PRELID2: variants seen among roughly 807,000 people sequenced by gnomAD.
PRELID2 encodes the protein PRELI domain-containing protein 2.
PRELID2 carries 25 observed loss-of-function variants against 28.4 expected under a neutral mutation model. The ratio of observed to expected loss-of-function variants is 0.88; its 90% CI spans 0.64 to 1.23. The LOEUF (loss-of-function observed/expected upper bound fraction) is 1.23. Ranked by LOEUF, PRELID2 falls within the 50% of genes most tolerant of loss-of-function variation. The pLI, the probability that PRELID2 is intolerant of heterozygous loss-of-function variation, is 0.00. For missense variants in PRELID2, 201 were observed against 214.4 expected (o/e 0.94, Z 0.39); for synonymous variants, 76 against 71.6 (o/e 1.06, Z -0.31).
At chr5:145,444,769 G>A in the PRELID2 span, among the ~76,000 whole-genome samples, 749 of 151,982 alleles carry the variant, frequency 4.9e-3, 2 homozygotes, top group Non-Finnish European at 8.0e-3. Flanking sequence ...GTGCCCGTTC[G>A]TCCACTTATT....
chr5:145,802,157 T>A (rs1274355512), intron 4 of PRELID2, among the ~76,000 whole-genome samples: 1 of 152,208 alleles, frequency 6.6e-6, no homozygotes, highest in Non-Finnish European at 1.5e-5. Flanking sequence ...TGCTACATAG[T>A]GTTCTACTGA....
intron 1 of PRELID2, among the ~76,000 whole-genome samples, chr5:145,577,828 C>A (rs1215914772): frequency 4.6e-5 from 7 of 152,044 alleles, no homozygotes; most frequent in Admixed American, 4.6e-4. Flanking sequence ...CACTAACAGG[C>A]CTCTTAAAGG....
intron 1 of PRELID2, among the ~76,000 whole-genome samples, chr5:145,544,185 G>A (rs576122785): frequency 1.4e-4 from 21 of 152,076 alleles, no homozygotes; most frequent in South Asian, 4.2e-4. Flanking sequence ...CAGAGTTCAC[G>A]CCCATGTCCA....
chr5:145,692,363 TAC>T (rs57331963), intron 1 of PRELID2, among the ~76,000 whole-genome samples: 8 of 150,670 alleles, frequency 5.3e-5, no homozygotes, highest in Non-Finnish European at 5.9e-5. Flanking sequence ...TACATGGAGG[TAC>T]ACACACACAC....
At chr5:145,608,661 T>G (rs1024604270) in intron 1 of PRELID2, among the ~76,000 whole-genome samples, 2 of 152,144 alleles carry the variant, frequency 1.3e-5, no homozygotes, top group African/African-American at 4.8e-5. Context: ...TCTCCCTAGC[T>G]CCCTTTAATA....
chr5:145,394,564 C>G, the PRELID2 span, among the ~76,000 whole-genome samples: 1 of 151,986 alleles, frequency 6.6e-6, no homozygotes, highest in Non-Finnish European at 1.5e-5. Context: ...CACATGTACC[C>G]TAAAACTTAA....
chr5:145,643,424 G>A lies in PRELID2; in HGVS notation n.70+121507C>T, dbSNP rs375949923. ...AAGGAGATTTTGGGCTGAGAAGATC[G>A]GGTTTTCTAAATATAGAATCATGTC... On this transcript the variant is annotated intron_variant and non_coding_transcript_variant, in intron 1 of 2. Coordinates refer to the PRELID2 transcript ENST00000510259. Among the ~76,000 whole-genome samples the A allele has an allele frequency of 7.9e-5, 12 of 152,254 alleles. No homozygotes were observed. The South Asian group carries it at 1.0e-3, about 13-fold the overall frequency.
At chr5:145,749,667 A>G (rs1021045661) in intron 1 of PRELID2, among the ~76,000 whole-genome samples, 2 of 152,188 alleles carry the variant, frequency 1.3e-5, no homozygotes, top group African/African-American at 4.8e-5. Flanking sequence ...AGGCACATGT[A>G]TGTTTATTGC....
the PRELID2 span, among the ~76,000 whole-genome samples, chr5:145,434,382 T>G: frequency 1.3e-5 from 2 of 152,202 alleles, no homozygotes; most frequent in African/African-American, 2.4e-5. Flanking sequence ...ACCTGAGTAC[T>G]TTATGTTCAG....
intron 1 of PRELID2, among the ~76,000 whole-genome samples, chr5:145,681,217 A>G (rs1439707996): frequency 6.6e-6 from 1 of 152,212 alleles, no homozygotes; most frequent in Non-Finnish European, 1.5e-5. Context: ...ACGAGCGAAA[A>G]TGGAAACCAG....
At chr5:145,231,377 A>C in the PRELID2 span, among the ~76,000 whole-genome samples, 1 of 152,302 alleles carries the variant, frequency 6.6e-6, no homozygotes, top group Non-Finnish European at 1.5e-5. Flanking sequence ...TGAACCCAAA[A>C]GATTACCCAC....
chr5:145,311,822 C>A, the PRELID2 span, among the ~76,000 whole-genome samples: 1 of 152,090 alleles, frequency 6.6e-6, no homozygotes, highest in African/African-American at 2.4e-5. Flanking sequence ...TAGTGCATTT[C>A]ACACTTTAAT....
At chr5:145,602,268 G>A (rs755077566) in intron 1 of PRELID2, among the ~76,000 whole-genome samples, 3 of 152,128 alleles carry the variant, frequency 2.0e-5, no homozygotes, top group Non-Finnish European at 2.9e-5. Flanking sequence ...ATAGCACATA[G>A]GGACCTTAGT....
intron 4 of PRELID2, among the ~76,000 whole-genome samples, chr5:145,817,680 T>C (rs1309302694): frequency 1.3e-5 from 2 of 151,862 alleles, no homozygotes; most frequent in South Asian, 2.1e-4. Flanking sequence ...GACAACAGGA[T>C]TGGGGGAGAT....
At chr5:145,506,485 G>A (rs1183174199) in intron 1 of PRELID2, among the ~76,000 whole-genome samples, 2 of 152,210 alleles carry the variant, frequency 1.3e-5, no homozygotes. Context: ...TATCTGCCTT[G>A]TGTGTGCCCA....
intron 1 of PRELID2, among the ~76,000 whole-genome samples, chr5:145,595,246 A>G (rs1168745203): frequency 1.3e-5 from 2 of 151,548 alleles, no homozygotes; most frequent in Admixed American, 6.6e-5. Context: ...CATGTCAGCC[A>G]TGTTATTTAC....
intron 1 of PRELID2, among the ~76,000 whole-genome samples, chr5:145,669,609 T>C (rs1278444678): frequency 6.6e-6 from 1 of 152,120 alleles, no homozygotes; most frequent in Admixed American, 6.6e-5. Context: ...AGTCATGCCA[T>C]TTTATGTTTA....
At chr5:145,732,404 GCA>G (rs745805330) in intron 1 of PRELID2, among the ~76,000 whole-genome samples, 3 of 152,148 alleles carry the variant, frequency 2.0e-5, no homozygotes, top group South Asian at 2.1e-4. Flanking sequence ...TAGATCACTA[GCA>G]CAGTGTTGTC....
At chr5:145,420,046 T>C in the PRELID2 span, among the ~76,000 whole-genome samples, 4 of 151,978 alleles carry the variant, frequency 2.6e-5, no homozygotes, top group African/African-American at 4.8e-5. Context: ...GTTGTAGATA[T>C]GCGGCATTAT....
Sources: gnomAD v4.1 joint callset for allele counts (sites outside exome capture counted in the v4.1 genomes callset) on GRCh38, gnomAD v4.1.1 for gene constraint, MANE v1.5 for transcripts, NCBI Gene and HGNC (gene_info 2026-07-23, HGNC 2026-07-21) for gene names.